Variants in KCNK10 observed in about 807,000 individuals in gnomAD.
KCNK10 encodes the protein potassium channel subfamily K member 10.
A neutral mutation model predicts 47.7 loss-of-function variants in KCNK10; 25 were observed. The observed-to-expected ratio is 0.52, with a 90% CI of 0.38 to 0.73. The LOEUF (loss-of-function observed/expected upper bound fraction) is 0.73, where lower values mean the gene tolerates loss of function less well. Ranked by LOEUF, KCNK10 falls within the 30% of genes least tolerant of loss-of-function variation. KCNK10 has a pLI of 0.00. For synonymous variants in KCNK10, 303 were observed against 285.6 expected (o/e 1.06, Z -0.61); for missense variants, 563 against 714.5 (o/e 0.79, Z 2.42).
Position 88,275,077 on chromosome 14 carries a change from C to A in KCNK10, c.53-11526G>T, listed in dbSNP as rs115801081. On this transcript the variant is annotated intron_variant, in intron 1 of 6. Coordinates refer to ENST00000319231, the MANE Select transcript of KCNK10 (RefSeq NM_138317.3). ...AGCCTCTTCAGGGCCCCTTCCTGCG[C>A]CTTTTCTCCTGATACCTGGGCTTTC... 6.6e-4 allele frequency among the ~76,000 whole-genome samples: 101 copies of A among 152,302 alleles called. 1 individual carries two copies. Among genetic ancestry groups the A allele is most frequent in the African/African-American group, 2.3e-3 (95 of 41,570 alleles).
upstream of KCNK10, chr14:88,323,642 C>T (rs1323966314): frequency 1.3e-5 from 2 of 151,044 alleles, no homozygotes; most frequent in Non-Finnish European, 3.0e-5. Context: ...CGCGCCGCTA[C>T]TTACTGGCTC....
chr14:88,228,588 C>T (rs7157064), intron 3 of KCNK10, among the ~76,000 whole-genome samples: 43,886 of 151,982 alleles, frequency 0.29, 6,985 homozygotes, highest in East Asian at 0.47. Context: ...TTTCTGAATC[C>T]ATTCAATGAG....
In KCNK10 at chr14:88,188,066, T is replaced by A; in HGVS notation, c.912A>T (p.Leu304=). 1 of 1,614,130 alleles carries A rather than the reference T, an allele frequency of 6.2e-7. No individual in the cohort carries two copies. The change falls in exon 6 of 7, where the codon CTA becomes CTT. Residue 304 remains leucine (L), a synonymous_variant. Transcript: ENST00000319231. Reference sequence around the variant, plus strand: ...GGCCAACAAGGATCCAAAACCACACTAGGGGCTTATACCACTCCCGATAAT... The same window carrying A: ...GGCCAACAAGGATCCAAAACCACACAAGGGGCTTATACCACTCCCGATAAT... The part of the protein sequence containing the change: ...GINYREWYKP[L]VWFWILVGLA...
intron 1 of KCNK10, among the ~76,000 whole-genome samples, chr14:88,281,386 G>C (rs8008839): frequency 0.58 from 88,322 of 151,952 alleles, 26,387 homozygotes; most frequent in South Asian, 0.67. Flanking sequence ...GGTGCTTTCT[G>C]ATGGGATTCA....
At chr14:88,309,026 C>A (rs1404609033) in intron 1 of KCNK10, among the ~76,000 whole-genome samples, 1 of 152,196 alleles carries the variant, frequency 6.6e-6, no homozygotes, top group Non-Finnish European at 1.5e-5. Flanking sequence ...AGATGCTAAG[C>A]CTTGGCTAAA....
At chr14:88,326,231 C>T (rs528608241), upstream of KCNK10, among the ~76,000 whole-genome samples, 3 of 138,812 alleles carry the variant, frequency 2.2e-5, no homozygotes, top group South Asian at 7.2e-4. Flanking sequence ...AATCCCAGTA[C>T]CGTTTCCCAA....
intron 3 of KCNK10, among the ~76,000 whole-genome samples, chr14:88,233,612 T>C (rs1886213753): frequency 6.6e-6 from 1 of 152,170 alleles, no homozygotes. Flanking sequence ...AGCCATTTGC[T>C]CAAACTCAAA....
At chr14:88,208,684 A>C (rs182271423) in intron 4 of KCNK10, among the ~76,000 whole-genome samples, 47 of 152,312 alleles carry the variant, frequency 3.1e-4, no homozygotes, top group Non-Finnish European at 5.1e-4. Context: ...ATTTTTTAAA[A>C]AAAATCACAT....
chr14:88,224,405 G>A (rs1017676339), intron 4 of KCNK10, among the ~76,000 whole-genome samples: 2 of 152,176 alleles, frequency 1.3e-5, no homozygotes, highest in African/African-American at 2.4e-5. Flanking sequence ...GAACTCCAGA[G>A]GAGAAGAATT....
At chr14:88,294,270 T>A (rs563898074) in intron 1 of KCNK10, among the ~76,000 whole-genome samples, 1 of 152,390 alleles carries the variant, frequency 6.6e-6, no homozygotes, top group East Asian at 1.9e-4. Context: ...GCAAGACTTT[T>A]GTTTCAGCCT....
At chr14:88,312,674 C>T (rs1184833800) in intron 1 of KCNK10, among the ~76,000 whole-genome samples, 16 of 152,182 alleles carry the variant, frequency 1.1e-4, no homozygotes, top group Non-Finnish European at 1.5e-5. Flanking sequence ...TATCACACCC[C>T]ACCTCTAGTT....
chr14:88,210,213 CAT>C (rs1223128687), intron 4 of KCNK10, among the ~76,000 whole-genome samples: 1 of 152,158 alleles, frequency 6.6e-6, no homozygotes, highest in African/African-American at 2.4e-5. Flanking sequence ...AAGAAGTAGA[CAT>C]AGCATGGATC....
intron 4 of KCNK10, among the ~76,000 whole-genome samples, chr14:88,209,336 C>T (rs1156890802): frequency 6.6e-6 from 1 of 152,174 alleles, no homozygotes; most frequent in African/African-American, 2.4e-5. Flanking sequence ...TGGATTTTTT[C>T]TTCTTTTTTT....
intron 1 of KCNK10, among the ~76,000 whole-genome samples, chr14:88,299,065 G>A (rs1442153379): frequency 2.0e-5 from 3 of 152,092 alleles, no homozygotes; most frequent in African/African-American, 4.8e-5. Context: ...TCTTCCTCCC[G>A]TAAGTACCGA....
In KCNK10 at chr14:88,264,805, G is replaced by T. The variant is rs139046789; in HGVS notation, c.53-1254C>A. The stretch of plus-strand genomic sequence containing the variant: ...TCTTGATTGAAAGATCTATATGTTA[G>T]AATCAGCAACCTGGGCATTATGTTC... On this transcript the variant is annotated intron_variant, in intron 1 of 6. Coordinates refer to ENST00000319231, the MANE Select transcript of KCNK10 (RefSeq NM_138317.3). Among the ~76,000 whole-genome samples the T allele has an allele frequency of 2.0e-4, 30 of 152,314 alleles. 1 individual carries two copies. Among genetic ancestry groups the T allele is most frequent in the African/African-American group, 6.7e-4 (28 of 41,578 alleles).
intron 1 of KCNK10, among the ~76,000 whole-genome samples, chr14:88,289,171 G>T (rs987493366): frequency 6.6e-6 from 1 of 152,212 alleles, no homozygotes; most frequent in Non-Finnish European, 1.5e-5. Flanking sequence ...AAATCCTGGA[G>T]AAGATCAAGA....
chr14:88,302,205 A>G (rs1258919017), intron 1 of KCNK10, among the ~76,000 whole-genome samples: 4 of 152,346 alleles, frequency 2.6e-5, no homozygotes, highest in African/African-American at 9.6e-5. Context: ...TGGGAAACTC[A>G]TTCAATGAGA....
rs762658358 is a variant in KCNK10 at position 88,263,563 on chromosome 14, G to C, written c.53-12C>G. The stretch of plus-strand genomic sequence containing the variant: ...TGCGGGAACGGCCACTGAGGAGTCA[G>C]GGTGGGGGACAAAGAAGAAGAGAGT... On this transcript the variant is annotated splice_polypyrimidine_tract_variant and intron_variant, in intron 1 of 6. Coordinates refer to ENST00000319231, the MANE Select transcript of KCNK10 (RefSeq NM_138317.3). 4 of 1,602,622 alleles carry C rather than the reference G, an allele frequency of 2.5e-6. No individual in the cohort carries two copies. The East Asian group carries it at 8.9e-5, about 36-fold the overall frequency.
chr14:88,254,347 C>T (rs1886886383), intron 2 of KCNK10, among the ~76,000 whole-genome samples: 1 of 152,100 alleles, frequency 6.6e-6, no homozygotes, highest in Admixed American at 6.5e-5. Context: ...AATCCCATGT[C>T]CTTCCCGATG....
Sources: gnomAD v4.1 joint callset for allele counts (sites outside exome capture counted in the v4.1 genomes callset) on GRCh38, gnomAD v4.1.1 for gene constraint, MANE v1.5 for transcripts, NCBI Gene and HGNC (gene_info 2026-07-23, HGNC 2026-07-21) for gene names.